CPAMD8: variants seen among roughly 807,000 people sequenced by gnomAD.
CPAMD8 encodes the protein C3 and PZP-like alpha-2-macroglobulin domain-containing protein 8.
Under a neutral mutation model 224.7 loss-of-function variants are expected in CPAMD8, and 146 were observed. The ratio of observed to expected loss-of-function variants is 0.65; its 90% CI spans 0.57 to 0.75. CPAMD8 has a LOEUF of 0.75. Ranked by LOEUF, CPAMD8 falls within the 30% of genes least tolerant of loss-of-function variation. The probability of loss-of-function intolerance (pLI) is 0.00; values close to 1 mark genes in which losing one functional copy is unlikely to be tolerated. For missense variants in CPAMD8, 2,301 were observed against 2,537.5 expected, an observed-to-expected ratio of 0.91 and a Z score of 2.00; for synonymous variants, 966 against 1,044.6, an observed-to-expected ratio of 0.92 and a Z score of 1.45.
chr19:16,938,412 G>T lies in CPAMD8; in HGVS notation c.2828C>A (p.Ala943Glu). Reference sequence around the variant, plus strand: ...GGACTCACCACTGGGACAGAAGAATGCGCTGTAGGTGTACGCCCGGGGGAC... The same window carrying T: ...GGACTCACCACTGGGACAGAAGAATTCGCTGTAGGTGTACGCCCGGGGGAC... The part of the protein sequence containing the change: ...EGVPRAYTYS[A>E]FFCPSERVHI... The change falls in exon 23 of 42, where the codon GCA becomes GAA. Residue 943 changes from alanine to glutamate, a missense_variant. This residue lies in a region of CPAMD8 where 1,709 missense variants were observed against 1,753.2 expected (regional missense o/e 0.97). Transcript: ENST00000443236. 1 of 1,571,134 alleles carries T rather than the reference G, an allele frequency of 6.4e-7. No individual in the cohort carries two copies. The highest frequency in any genetic ancestry group is 1.9e-5 in the Admixed American group (1 of 51,540).
At chr19:16,965,881 T>G (rs1344398166) in intron 18 of CPAMD8, among the ~76,000 whole-genome samples, 1 of 152,082 alleles carries the variant, frequency 6.6e-6, no homozygotes, top group East Asian at 1.9e-4. Context: ...TGCTAACGGA[T>G]AGGAAGAATC....
At chr19:17,000,373 G>A (rs1175820114) in intron 10 of CPAMD8, 41 bp downstream of exon 10, 1 of 782,074 alleles carries the variant, frequency 1.3e-6, no homozygotes, top group Non-Finnish European at 2.3e-6. Flanking sequence ...AGGTGAACCT[G>A]GGGGTTGGGT....
chr19:16,921,076 A>T (rs899035343), intron 27 of CPAMD8, among the ~76,000 whole-genome samples: 1 of 151,978 alleles, frequency 6.6e-6, no homozygotes, highest in African/African-American at 2.4e-5. Context: ...TAGAGCTGGG[A>T]CAGTGTGGAT....
chr19:16,992,503 G>T (rs1267748859), intron 12 of CPAMD8, among the ~76,000 whole-genome samples: 1 of 152,114 alleles, frequency 6.6e-6, no homozygotes, highest in African/African-American at 2.4e-5. Flanking sequence ...CTAGGCTGGG[G>T]TGCAGTGGCG....
chr19:16,980,726 C>T, intron 13 of CPAMD8, 40 bp from the exon 14 acceptor site: 1 of 1,456,540 alleles, frequency 6.9e-7, no homozygotes, highest in Non-Finnish European at 9.2e-7. Flanking sequence ...TGCCTCGCAC[C>T]AATGTTGCAA....
At chr19:16,970,321 T>C (rs1373834012) in intron 18 of CPAMD8, among the ~76,000 whole-genome samples, 2 of 151,386 alleles carry the variant, frequency 1.3e-5, no homozygotes, top group African/African-American at 4.9e-5. Context: ...GTACAGTGAC[T>C]CACACCTGTA....
intron 26 of CPAMD8, among the ~76,000 whole-genome samples, chr19:16,924,523 A>T (rs2053288713): frequency 6.6e-6 from 1 of 152,142 alleles, no homozygotes; most frequent in Non-Finnish European, 1.5e-5. Context: ...GTCCATGATC[A>T]GCCTTCAAGA....
At chr19:16,921,859 C>T (rs368433220) in intron 27 of CPAMD8, 46 bp downstream of exon 27, 23 of 1,288,524 alleles carry the variant, frequency 1.8e-5, no homozygotes, top group East Asian at 2.5e-5. Context: ...GCCATGGCGT[C>T]GGGCGGGGAG....
At chr19:16,894,906 A>G in intron 41 of CPAMD8, 2 of 204,002 alleles carry the variant, frequency 9.8e-6, no homozygotes, top group South Asian at 1.7e-4. Context: ...CAACATACAG[A>G]GACCCCATCT....
chr19:16,935,162 G>A (rs2053648779), intron 23 of CPAMD8, among the ~76,000 whole-genome samples: 1 of 152,106 alleles, frequency 6.6e-6, no homozygotes, highest in East Asian at 1.9e-4. Context: ...AATTCAGAGA[G>A]CTCTCTGTAC....
intron 12 of CPAMD8, among the ~76,000 whole-genome samples, chr19:16,992,990 C>T (rs944780834): frequency 1.5e-4 from 23 of 151,992 alleles, no homozygotes; most frequent in African/African-American, 5.3e-4. Context: ...ACTGAGCACC[C>T]GTGAGGTGGC....
chr19:17,014,578 A>G (rs1174117491), intron 3 of CPAMD8, among the ~76,000 whole-genome samples: 1 of 152,190 alleles, frequency 6.6e-6, no homozygotes, highest in Non-Finnish European at 1.5e-5. Flanking sequence ...TCTCACAATC[A>G]TGGCGAAAGG....
Position 16,976,056 on chromosome 19 carries a change from T to C in CPAMD8, c.1854A>G (p.Ala618=), listed in dbSNP as rs754821550. 2.5e-6 allele frequency: 4 copies of C among 1,611,410 alleles called. No homozygotes were observed. Among genetic ancestry groups the C allele is most frequent in the East Asian group, 4.5e-5 (2 of 44,798 alleles). Reference sequence around the variant, plus strand: ...TGAGCAGGTAGACACTCTTATCAACTGCGGCGACGCACACACAGCTGCCCC... The same window carrying C: ...TGAGCAGGTAGACACTCTTATCAACCGCGGCGACGCACACACAGCTGCCCC... ...AARGSCVCVA[A]VDKSVYLLRS... is the part of the protein sequence containing the mutation. The change falls in exon 16 of 42, where the codon GCA becomes GCG. Residue 618 remains alanine, a synonymous_variant. Transcript: ENST00000443236.
chr19:16,992,300 C>G (rs575939956), intron 12 of CPAMD8, among the ~76,000 whole-genome samples: 1 of 152,292 alleles, frequency 6.6e-6, no homozygotes, highest in East Asian at 1.9e-4. Flanking sequence ...TATCGAAAAT[C>G]AGATCAGGCC....
chr19:17,011,438 C>G lies in CPAMD8; in HGVS notation c.486+26G>C, dbSNP rs757653906. ...TAGTCCCAAGTGGGTGCACTCCGGG[C>G]CCGCGGTTTTAGAAGCTGATCTCAC... On this transcript the variant is annotated intron_variant, in intron 5 of 41. Transcript: ENST00000443236. 4 of 1,614,150 alleles carry G rather than the reference C, an allele frequency of 2.5e-6. No individual in the cohort carries two copies. The East Asian group carries it at 8.9e-5, about 36-fold the overall frequency.
intron 21 of CPAMD8, among the ~76,000 whole-genome samples, chr19:16,946,160 A>G (rs377059378): frequency 2.5e-4 from 31 of 126,260 alleles, no homozygotes; most frequent in African/African-American, 9.7e-4. Context: ...ACATGTGGGC[A>G]TGTGTGTGTG....
intron 10 of CPAMD8, among the ~76,000 whole-genome samples, chr19:16,999,311 T>C (rs150092176): frequency 0.034 from 5,133 of 152,110 alleles, 122 homozygotes; most frequent in Middle Eastern, 0.061. Context: ...CCAGGCGCAG[T>C]GGCTCACGCC....
chr19:16,981,717 T>C (rs144594380), intron 13 of CPAMD8, among the ~76,000 whole-genome samples: 117 of 152,324 alleles, frequency 7.7e-4, no homozygotes, highest in African/African-American at 2.7e-3. Flanking sequence ...TTCCATGTTT[T>C]GCAATCTGTG....
Position 16,945,624 on chromosome 19 carries a change from T to A in CPAMD8, c.2718A>T (p.Lys906Asn), listed in dbSNP as rs760523143. 1 of 1,614,176 alleles carries A rather than the reference T, an allele frequency of 6.2e-7. No individual in the cohort carries two copies. ...TGTCGGCGTGATTCTCCTCAGGGTG[T>A]TTGCTGGACCTCCCATCCCGGCAGC... is the stretch of plus-strand genomic sequence containing the variant. Reference protein sequence around the residue: ...TNCCRDGRSSKHPEENHADRR... With the variant: ...TNCCRDGRSSNHPEENHADRR... Residue 906 changes from lysine (K) to asparagine (N), a missense_variant, in exon 22 of 42, where the codon AAA (lysine) becomes AAT (asparagine). By Grantham distance (94) the Lys-to-Asn change is moderately conservative. Coordinates refer to ENST00000443236, the MANE Select transcript of CPAMD8 (RefSeq NM_015692.5).
Sources: allele counts gnomAD v4.1 joint callset (sites outside exome capture counted in the v4.1 genomes callset), GRCh38; gene constraint gnomAD v4.1.1; regional missense constraint gnomAD v4.1.1; transcripts MANE v1.5; gene names NCBI Gene and HGNC (gene_info 2026-07-23, HGNC 2026-07-21).